Variants in SIRPB1 observed in about 807,000 individuals in gnomAD.
The protein encoded by SIRPB1 is signal-regulatory protein beta-1.
Under a neutral mutation model 34.1 loss-of-function variants are expected in SIRPB1, and 28 were observed. That is an observed-to-expected ratio of 0.82 (90% CI 0.61 to 1.12). SIRPB1 has a LOEUF of 1.12. Among genes scored for constraint, SIRPB1 ranks in the 50% most tolerant of loss-of-function variants. SIRPB1 has a pLI of 0.00. For synonymous variants in SIRPB1, 211 were observed against 203.8 expected (o/e 1.04, Z -0.30); for missense variants, 499 against 507.0 (o/e 0.98, Z 0.15).
At chr20:1,614,248 G>A (rs2091598123) in intron 1 of SIRPB1, among the ~76,000 whole-genome samples, 2 of 152,208 alleles carry the variant, frequency 1.3e-5, no homozygotes. Context: ...AAATGCTAAA[G>A]GGAGTGCTTC....
rs2091105671 is a variant in SIRPB1, at chr20:1,564,725, G to A, written c.*775C>T. The stretch of plus-strand genomic sequence containing the variant: ...CTGTTGGCAGTGTGAAATTGGTCAG[G>A]TTGGGAGTTATTACACTAGAGAAAT... On this transcript the variant is annotated 3_prime_UTR_variant, in exon 6 of 6. Transcript: ENST00000381605. The A allele has an allele frequency of 5.1e-6, 2 of 394,018 alleles. No individual in the cohort carries two copies. The highest frequency in any genetic ancestry group is 1.4e-4 in the South Asian group (1 of 6,990). 24.4% of individuals were successfully genotyped at this position (394,018 alleles called of 1,614,324 possible).
In SIRPB1 at chr20:1,561,565, G is replaced by T. The variant is rs2122141173; in HGVS notation, c.*3935C>A. Among the ~76,000 whole-genome samples the T allele has an allele frequency of 6.6e-6, 1 of 152,262 alleles. No homozygotes were observed. The highest frequency in any genetic ancestry group is 1.9e-4 in the East Asian group (1 of 5,174). ...TTGATGACCTTGACAGTTTTGAGGA[G>T]TTCTGGGCCCGATGTTGCAGAATGC... On this transcript the variant is annotated 3_prime_UTR_variant, in exon 6 of 6. Transcript: ENST00000381605.
Position 1,602,040 on chromosome 20 carries a change from G to A in SIRPB1, c.76+17829C>T, listed in dbSNP as rs1374326722. ...ACAAGAAGTAGAGCAAAATAAACCCGAAGCAAGCTGCAGATAGGAATTAAT... is the reference window on the plus strand; with the variant it reads ...ACAAGAAGTAGAGCAAAATAAACCCAAAGCAAGCTGCAGATAGGAATTAAT... On this transcript the variant is annotated intron_variant, in intron 1 of 5. Transcript: ENST00000381605. Among the ~76,000 whole-genome samples the A allele has an allele frequency of 4.1e-5, 2 of 48,346 alleles. 1 individual carries two copies. Among genetic ancestry groups the A allele is most frequent in the Non-Finnish European group, 7.9e-5 (2 of 25,292 alleles). 31.7% of individuals were successfully genotyped at this position (48,346 alleles called of 152,430 possible).
chr20:1,571,254 GC>G, intron 3 of SIRPB1, 117 bp from the exon 4 acceptor site: 1 of 1,072,608 alleles, frequency 9.3e-7, no homozygotes, highest in South Asian at 1.6e-5. Context: ...TGCTAGGCAG[GC>G]AGCAGGTGCT....
chr20:1,570,821 G>A lies in SIRPB1; in HGVS notation c.1068C>T (p.Gly356=). Residue 356 remains glycine (G), a synonymous_variant, in exon 4 of 6, where the codon GGC becomes GGT. Transcript: ENST00000381605. ...LEISAHQKEH[G]SDITHEAALA... Reference sequence around the variant, plus strand: ...TAACCGCACCATGGGTGATATCTGAGCCGTGCTCCTTCTGGTGCGCTGAGA... The same window carrying A: ...TAACCGCACCATGGGTGATATCTGAACCGTGCTCCTTCTGGTGCGCTGAGA... The A allele has an allele frequency of 6.2e-7, 1 of 1,613,610 alleles. No homozygotes were observed. Among genetic ancestry groups the A allele is most frequent in the East Asian group, 2.2e-5 (1 of 44,880 alleles).
At position 1,613,223 on chromosome 20, in the gene SIRPB1, G is replaced by A. The variant is rs1405165494; in HGVS notation, c.76+6646C>T. On this transcript the variant is annotated intron_variant, in intron 1 of 5. Transcript: ENST00000381605. ...TCAGCAGAGCTATGTGTCTTCTGGA[G>A]GCTCTGTTTTTTGCCTTTTCAAATT... Among the ~76,000 whole-genome samples, 2 of 73,030 alleles carry A rather than the reference G, an allele frequency of 2.7e-5. 1 individual carries two copies. The highest frequency in any genetic ancestry group is 5.2e-5 in the Non-Finnish European group (2 of 38,596). 47.9% of individuals were successfully genotyped at this position (73,030 alleles called of 152,430 possible).
intron 1 of SIRPB1, 62 bp downstream of exon 1, chr20:1,619,807 T>C: frequency 8.0e-7 from 1 of 1,244,842 alleles, no homozygotes; most frequent in Non-Finnish European, 1.2e-6. Context: ...TCCCTGAAAG[T>C]CCAGGGACAG....
chr20:1,618,482 G>A (rs1056589410), intron 1 of SIRPB1, among the ~76,000 whole-genome samples: 1 of 152,234 alleles, frequency 6.6e-6, no homozygotes, highest in South Asian at 2.1e-4. Context: ...GGGATGTTGT[G>A]AGGATTAGTG....
In SIRPB1 at chr20:1,563,545, G is replaced by A. The variant is rs1426591972; in HGVS notation, c.*1955C>T. 6.6e-6 allele frequency: 1 copy of A among 152,038 alleles called. No homozygotes were observed. Among genetic ancestry groups the A allele is most frequent in the Admixed American group, 6.6e-5 (1 of 15,250 alleles). The allele number at this position is 152,038 out of a possible 1,614,324, so 9.4% of individuals were successfully genotyped here. On this transcript the variant is annotated 3_prime_UTR_variant, in exon 6 of 6. Coordinates refer to ENST00000381605, the MANE Select transcript of SIRPB1 (RefSeq NM_006065.5). ...TGAAAAGAAACAATGCTTGCTCCGT[G>A]TATTAGCCCATTCTCACACTGCTAT...
chr20:1,590,921 C>A (rs1329832741), intron 1 of SIRPB1, among the ~76,000 whole-genome samples: 1 of 48,864 alleles, frequency 2.0e-5, no homozygotes, highest in Non-Finnish European at 3.9e-5. Context: ...ACAAGAACAG[C>A]AATCAAGAGG....
chr20:1,578,567 A>G lies in SIRPB1; in HGVS notation c.204T>C (p.Phe68=), dbSNP rs200384429. The G allele has an allele frequency of 6.4e-5, 101 of 1,583,824 alleles. 5 individuals are homozygous for G. In the South Asian group the frequency reaches 9.3e-4, roughly 15 times the overall value. ...SLIPVGPIMW[F]RGAGAGRELI... Reference sequence around the variant, plus strand: ...ATTCCCGGCCTGCTCCAGCTCCTCTAAACCACATGATGGGCCCCACAGGGA... The same window carrying G: ...ATTCCCGGCCTGCTCCAGCTCCTCTGAACCACATGATGGGCCCCACAGGGA... Residue 68 remains phenylalanine, a synonymous_variant, in exon 2 of 6, where the codon TTT becomes TTC. Coordinates refer to ENST00000381605, the MANE Select transcript of SIRPB1 (RefSeq NM_006065.5).
rs769020935 is a variant in SIRPB1, at chr20:1,583,892, A to ACTACTACTACTG, written c.77-5199_77-5198insCAGTAGTAGTAG. Among the ~76,000 whole-genome samples the ACTACTACTACTG allele has an allele frequency of 9.2e-5, 4 of 43,518 alleles. 2 individuals carry two copies. Among genetic ancestry groups the ACTACTACTACTG allele is most frequent in the African/African-American group, 6.9e-4 (4 of 5,816 alleles). 28.5% of individuals were successfully genotyped at this position (43,518 alleles called of 152,430 possible). A position where few individuals can be genotyped will look rare whatever the true frequency, so the allele number is the denominator to read the frequency against. On this transcript the variant is annotated intron_variant, in intron 1 of 5. Coordinates refer to ENST00000381605, the MANE Select transcript of SIRPB1 (RefSeq NM_006065.5). ...TACTACTACTACTACTACTACTACT[A>ACTACTACTACTG]CTGCTGCTGCTGCTGCTGTGTGTTT...
In SIRPB1 at chr20:1,578,642, T is replaced by G. The variant is rs1171529689; in HGVS notation, c.129A>C (p.Ser43=). ...GAGTGGCCGACTCTCCAGCTGCAAC[T>G]GATACGGACTTTTCAGGCTGAATCA... The part of the protein sequence containing the change: ...LQVIQPEKSV[S]VAAGESATLR... The change falls in exon 2 of 6, where the codon TCA becomes TCC. Residue 43 remains serine (S), a synonymous_variant. Coordinates refer to ENST00000381605, the MANE Select transcript of SIRPB1 (RefSeq NM_006065.5). The G allele has an allele frequency of 4.4e-6, 7 of 1,584,242 alleles. No homozygotes were observed. In the African/African-American group the frequency reaches 9.5e-5, roughly 21 times the overall value.
chr20:1,572,822 T>C (rs532071305), intron 2 of SIRPB1, among the ~76,000 whole-genome samples: 2 of 152,046 alleles, frequency 1.3e-5, no homozygotes, highest in South Asian at 2.1e-4. Flanking sequence ...GAATCACACC[T>C]GCTAAAGGTC....
rs2873568 is a variant in SIRPB1 at position 1,604,232 on chromosome 20, G to T, written c.76+15637C>A. ...ACGTAGCTCCCCCACCACGGTGAGG[G>T]CATCACCAGGACAGTGCTAGGCATG... On this transcript the variant is annotated intron_variant, in intron 1 of 5. Coordinates refer to ENST00000381605, the MANE Select transcript of SIRPB1 (RefSeq NM_006065.5). 1.0e-5 allele frequency: 4 copies of T among 392,392 alleles called. 2 individuals carry two copies. The highest frequency in any genetic ancestry group is 7.4e-5 in the Admixed American group (2 of 26,888). The allele number at this position is 392,392 out of a possible 1,614,324, so 24.3% of individuals were successfully genotyped here.
At chr20:1,611,165 G>T (rs149071722) in intron 1 of SIRPB1, among the ~76,000 whole-genome samples, 25,305 of 71,592 alleles carry the variant, frequency 0.35, 11,016 homozygotes, top group Middle Eastern at 0.6. Flanking sequence ...TTTCCAAGCC[G>T]TGGAGCCTCG....
chr20:1,619,141 C>A (rs1434572742), intron 1 of SIRPB1, among the ~76,000 whole-genome samples: 2 of 152,132 alleles, frequency 1.3e-5, no homozygotes, highest in East Asian at 1.9e-4. Context: ...TAGAAACTAA[C>A]CCTGCTGACA....
At position 1,571,776 on chromosome 20, in the gene SIRPB1, A is replaced by T. The variant is rs1265072088; in HGVS notation, c.695T>A (p.Ile232Asn). ...ACGAAGAGGGTCCCCCTGCAAGGTG[A>T]TGTGGGCTATCTCGCAGATGACTTG... ...HSQVICEIAH[I>N]TLQGDPLRGT... Residue 232 changes from isoleucine (I) to asparagine (N), a missense_variant, in exon 3 of 6, where the codon ATC (isoleucine) becomes AAC (asparagine). By Grantham distance (149) the Ile-to-Asn change is moderately radical. Transcript: ENST00000381605. The T allele has an allele frequency of 3.1e-6, 5 of 1,614,170 alleles. No individual in the cohort carries two copies. Among genetic ancestry groups the T allele is most frequent in the Non-Finnish European group, 4.2e-6 (5 of 1,180,020 alleles).
rs1177320867 is a variant in SIRPB1, at chr20:1,564,009, ACATTTTTACAAAGAAACAG to A, written c.*1472_*1490del. ...AAGCACTCTTCCAACTACTCTGGAT[ACATTTTTACAAAGAAACAG>A]CACTTGAACTCTCAATGTTTCTAAT... is the stretch of plus-strand genomic sequence containing the variant. On this transcript the variant is annotated 3_prime_UTR_variant, in exon 6 of 6. Transcript: ENST00000381605. 14 of 152,376 alleles carry A rather than the reference ACATTTTTACAAAGAAACAG, an allele frequency of 9.2e-5. No individual in the cohort carries two copies. Among genetic ancestry groups the A allele is most frequent in the Admixed American group, 3.3e-4 (5 of 15,310 alleles). 9.4% of individuals were successfully genotyped at this position (152,376 alleles called of 1,614,324 possible). A position where few individuals can be genotyped will look rare whatever the true frequency, so the allele number is the denominator to read the frequency against.
Sources: gnomAD v4.1 joint callset for allele counts (sites outside exome capture counted in the v4.1 genomes callset) on GRCh38, gnomAD v4.1.1 for gene constraint, MANE v1.5 for transcripts, NCBI Gene and HGNC (gene_info 2026-07-23, HGNC 2026-07-21) for gene names.